The following RIC3 variants were observed in gnomAD, a reference collection of about 807,000 sequenced individuals.
The protein encoded by RIC3 is protein RIC-3.
Under a neutral mutation model 27.3 loss-of-function variants are expected in RIC3, and 28 were observed. The observed-to-expected ratio is 1.02, with a 90% CI of 0.76 to 1.41. RIC3 has a LOEUF of 1.41. Among genes scored for constraint, RIC3 ranks in the 40% most tolerant of loss-of-function variants. The pLI is 0.00. For missense variants in RIC3, 501 were observed against 444.7 expected, an observed-to-expected ratio of 1.13 and a Z score of -1.14; for synonymous variants, 184 against 160.4, an observed-to-expected ratio of 1.15 and a Z score of -1.11.
chr11:8,098,718 G>A, the RIC3 span: 1 of 1,459,878 alleles, frequency 6.8e-7, no homozygotes, highest in Non-Finnish European at 9.6e-7. Flanking sequence ...CTCTGGGGCA[G>A]AGGGTGCATG....
At chr11:8,152,919 T>C (rs1174446050) in intron 1 of RIC3, among the ~76,000 whole-genome samples, 3 of 152,116 alleles carry the variant, frequency 2.0e-5, no homozygotes, top group Non-Finnish European at 4.4e-5. Flanking sequence ...ACTGTCTTTA[T>C]ATAGAGTTGA....
chr11:8,132,204 G>A (rs1443585350), intron 4 of RIC3, among the ~76,000 whole-genome samples: 2 of 152,134 alleles, frequency 1.3e-5, no homozygotes, highest in African/African-American at 4.8e-5. Flanking sequence ...TACAGCCTGT[G>A]ATTTTTTTCT....
the RIC3 span, chr11:8,095,792 C>A: frequency 9.4e-7 from 1 of 1,065,568 alleles, no homozygotes; most frequent in African/African-American, 1.6e-5. Flanking sequence ...GAGGGTGGGG[C>A]ACACTTCGGA....
chr11:8,123,668 G>A (rs562424783), intron 5 of RIC3, among the ~76,000 whole-genome samples: 9 of 152,078 alleles, frequency 5.9e-5, no homozygotes, highest in African/African-American at 2.2e-4. Flanking sequence ...ACTATCAAAA[G>A]TTCACTCAAG....
chr11:8,146,267 C>T (rs910115718), intron 1 of RIC3, among the ~76,000 whole-genome samples: 2 of 152,190 alleles, frequency 1.3e-5, no homozygotes, highest in Non-Finnish European at 2.9e-5. Context: ...TCTTTAAAAA[C>T]ATACCGTTAG....
rs1055999966 is a variant in RIC3 at position 8,108,168 on chromosome 11, T to G, written c.*2530A>C. 6.6e-6 allele frequency: 1 copy of G among 152,178 alleles called. No homozygotes were observed. The highest frequency in any genetic ancestry group is 2.4e-5 in the African/African-American group (1 of 41,436). The allele number at this position is 152,178 out of a possible 1,614,324, so 9.4% of individuals were successfully genotyped here. A position where few individuals can be genotyped will look rare whatever the true frequency, so the allele number is the denominator to read the frequency against. On this transcript the variant is annotated 3_prime_UTR_variant, in exon 6 of 6. Transcript: ENST00000309737. Reference sequence around the variant, plus strand: ...TTAGTACTTCTGGCAGGAATTTCCATAAGCCAATTTTCCCCAAAGACCAAC... The same window carrying G: ...TTAGTACTTCTGGCAGGAATTTCCAGAAGCCAATTTTCCCCAAAGACCAAC...
At chr11:8,101,389 T>G, downstream of RIC3, 1 of 1,467,818 alleles carries the variant, frequency 6.8e-7, no homozygotes, top group Non-Finnish European at 9.4e-7. Flanking sequence ...TTCTCACTTG[T>G]TCTTCCCTCA....
chr11:8,159,365 A>T (rs1226821699), intron 1 of RIC3, among the ~76,000 whole-genome samples: 1 of 152,180 alleles, frequency 6.6e-6, no homozygotes, highest in Non-Finnish European at 1.5e-5. Flanking sequence ...GTAGAAGCAA[A>T]TGGGGAAGAG....
chr11:8,121,071 T>C (rs1291353663), intron 5 of RIC3, among the ~76,000 whole-genome samples: 1 of 152,192 alleles, frequency 6.6e-6, no homozygotes, highest in African/African-American at 2.4e-5. Flanking sequence ...TGGTTAAGAA[T>C]GAAATCTGTA....
At chr11:8,097,701 TCCACTCC>T in the RIC3 span, 1 of 1,607,070 alleles carries the variant, frequency 6.2e-7, no homozygotes, top group Non-Finnish European at 8.5e-7. Context: ...ATGACCTCAT[TCCACTCC>T]CCAAGGTGTT....
At chr11:8,098,887 G>GTT in the RIC3 span, 1 of 1,584,516 alleles carries the variant, frequency 6.3e-7, no homozygotes, top group Non-Finnish European at 8.7e-7. Context: ...TGAGTCCTAG[G>GTT]TTCGGGGGTC....
At chr11:8,158,202 AT>A (rs1950845088) in intron 1 of RIC3, among the ~76,000 whole-genome samples, 2 of 152,054 alleles carry the variant, frequency 1.3e-5, no homozygotes, top group Non-Finnish European at 2.9e-5. Context: ...GTATCTGTAT[AT>A]TTTCACATCT....
At chr11:8,123,740 C>T (rs1380631210) in intron 5 of RIC3, among the ~76,000 whole-genome samples, 1 of 151,698 alleles carries the variant, frequency 6.6e-6, no homozygotes, top group Non-Finnish European at 1.5e-5. Context: ...CATCTTCCCA[C>T]AAATAAAACT....
At chr11:8,100,482 G>A in the RIC3 span, 2 of 1,604,840 alleles carry the variant, frequency 1.2e-6, no homozygotes, top group African/African-American at 2.7e-5. Context: ...CAGGTGGCCA[G>A]TGTTGCGTTC....
At chr11:8,149,024 C>CAAAAAAAAAA (rs34536745) in intron 1 of RIC3, among the ~76,000 whole-genome samples, 2 of 96,170 alleles carry the variant, frequency 2.1e-5, no homozygotes, top group African/African-American at 7.0e-5. Context: ...ACTAAAAATA[C>CAAAAAAAAAA]AAAAAAAAAA....
chr11:8,154,841 C>G (rs1950535435), intron 1 of RIC3, among the ~76,000 whole-genome samples: 1 of 152,056 alleles, frequency 6.6e-6, no homozygotes, highest in Non-Finnish European at 1.5e-5. Context: ...ATCTAGAAAA[C>G]AAAACAGCTA....
chr11:8,167,640 T>A (rs373102054), intron 1 of RIC3, among the ~76,000 whole-genome samples: 88 of 134,080 alleles, frequency 6.6e-4, no homozygotes, highest in Non-Finnish European at 7.5e-4. Context: ...TAATGGAAAG[T>A]AAAAAAAAAA....
intron 5 of RIC3, 44 bp from the exon 6 acceptor site, chr11:8,111,181 CAA>C (rs56271449): frequency 0.019 from 19,646 of 1,047,170 alleles, no homozygotes; most frequent in South Asian, 0.033. Flanking sequence ...AATGTCTCCT[CAA>C]AAAAAAAAAA....
the RIC3 span, chr11:8,093,900 C>A: frequency 2.2e-6 from 2 of 902,128 alleles, no homozygotes; most frequent in South Asian, 3.1e-5. Flanking sequence ...GGGCCTGATC[C>A]TGTGGGCTGT....
Sources: allele counts gnomAD v4.1 joint callset (sites outside exome capture counted in the v4.1 genomes callset), GRCh38; gene constraint gnomAD v4.1.1; transcripts MANE v1.5; gene names NCBI Gene and HGNC (gene_info 2026-07-23, HGNC 2026-07-21).